The following GRID2 variants were observed in gnomAD, a reference collection of about 807,000 sequenced individuals.
The protein encoded by GRID2 is glutamate ionotropic receptor delta type subunit 2, also known as glutamate receptor ionotropic, delta-2.
GRID2 carries 33 observed loss-of-function variants against 114.8 expected under a neutral mutation model. The ratio of observed to expected loss-of-function variants is 0.29; its 90% CI spans 0.22 to 0.38. The LOEUF (loss-of-function observed/expected upper bound fraction) is 0.38, where lower values mean the gene tolerates loss of function less well. GRID2 is among the 10% of genes least tolerant of loss of function. The probability of loss-of-function intolerance (pLI) is 1.00; values close to 1 mark genes in which losing one functional copy is unlikely to be tolerated. For synonymous variants in GRID2, 505 were observed against 449.9 expected, an observed-to-expected ratio of 1.12 and a Z score of -1.55; for missense variants, 1,184 against 1,257.7, an observed-to-expected ratio of 0.94 and a Z score of 0.89.
intron 2 of GRID2, among the ~76,000 whole-genome samples, chr4:92,834,980 G>T (rs183310016): frequency 1.3e-5 from 2 of 152,200 alleles, no homozygotes; most frequent in African/African-American, 4.8e-5. Context: ...AATTCAGTTA[G>T]CATGGGTTGA....
intron 1 of GRID2, among the ~76,000 whole-genome samples, chr4:92,579,709 T>G (rs1459075035): frequency 6.6e-6 from 1 of 151,772 alleles, no homozygotes; most frequent in Non-Finnish European, 1.5e-5. Context: ...ATGATAAAGT[T>G]TAAAAACATT....
chr4:92,981,287 A>G (rs1220431341), intron 2 of GRID2, among the ~76,000 whole-genome samples: 1 of 152,230 alleles, frequency 6.6e-6, no homozygotes, highest in East Asian at 1.9e-4. Context: ...TTCATAAAAC[A>G]TTAAAATCAC....
chr4:93,060,791 A>G (rs1346481281), intron 2 of GRID2, among the ~76,000 whole-genome samples: 2 of 152,158 alleles, frequency 1.3e-5, no homozygotes, highest in Non-Finnish European at 2.9e-5. Context: ...AAAGTATGTT[A>G]TGCAACAGGT....
At chr4:92,926,116 A>C (rs2149513755) in intron 2 of GRID2, among the ~76,000 whole-genome samples, 1 of 152,118 alleles carries the variant, frequency 6.6e-6, no homozygotes, top group Admixed American at 6.6e-5. Flanking sequence ...TTTATGAAGT[A>C]ACATTTATAA....
intron 14 of GRID2, among the ~76,000 whole-genome samples, chr4:93,659,915 A>G (rs1414460259): frequency 6.6e-6 from 1 of 151,694 alleles, no homozygotes; most frequent in Non-Finnish European, 1.5e-5. Context: ...TCATAATGGA[A>G]TCTCTAATTT....
At chr4:93,308,807 C>T (rs1284769182) in intron 8 of GRID2, among the ~76,000 whole-genome samples, 2 of 152,178 alleles carry the variant, frequency 1.3e-5, no homozygotes, top group African/African-American at 2.4e-5. Context: ...AGTGTTGCTT[C>T]CTTCATCACA....
chr4:92,444,180 C>T (rs981623057), intron 1 of GRID2, among the ~76,000 whole-genome samples: 37 of 152,268 alleles, frequency 2.4e-4, no homozygotes, highest in African/African-American at 7.7e-4. Flanking sequence ...GGAGGTCCCC[C>T]GATCCGAGTC....
rs539447082 is a variant in GRID2 at position 92,826,127 on chromosome 4, T to C, written c.244+235841T>C. On this transcript the variant is annotated intron_variant, in intron 2 of 15. Coordinates refer to ENST00000282020, the MANE Select transcript of GRID2 (RefSeq NM_001510.4). ...CTTTTTCAGAGCTAGAAATCCTATG[T>C]AATCTGCCCTTGCTCTGTCTCCTCC... 3.3e-5 allele frequency among the ~76,000 whole-genome samples: 5 copies of C among 152,236 alleles called. No individual in the cohort carries two copies. The East Asian group carries it at 9.7e-4, about 30-fold the overall frequency.
intron 2 of GRID2, among the ~76,000 whole-genome samples, chr4:92,930,319 G>A (rs1292008395): frequency 2.6e-5 from 4 of 151,166 alleles, no homozygotes; most frequent in Admixed American, 1.3e-4. Context: ...CTAATTCAAC[G>A]TTTTCATCTT....
At chr4:93,076,337 A>G (rs1231406395) in intron 2 of GRID2, among the ~76,000 whole-genome samples, 6 of 152,190 alleles carry the variant, frequency 3.9e-5, no homozygotes, top group Non-Finnish European at 5.9e-5. Flanking sequence ...GTCAGGTCAT[A>G]AAGAATTCTG....
At chr4:92,922,724 G>A (rs888801317) in intron 2 of GRID2, among the ~76,000 whole-genome samples, 3 of 152,094 alleles carry the variant, frequency 2.0e-5, no homozygotes, top group Admixed American at 6.6e-5. Context: ...GCAAATCAAT[G>A]AAAATGAATC....
chr4:93,752,457 G>A (rs563480179), intron 14 of GRID2, among the ~76,000 whole-genome samples: 3 of 151,930 alleles, frequency 2.0e-5, no homozygotes, highest in African/African-American at 4.8e-5. Flanking sequence ...TGCAAGCTCC[G>A]CCTCCCGGGT....
intron 1 of GRID2, among the ~76,000 whole-genome samples, chr4:92,578,826 C>T (rs1728035455): frequency 1.3e-5 from 2 of 152,030 alleles, no homozygotes; most frequent in South Asian, 2.1e-4. Flanking sequence ...TGTTCAAACT[C>T]TTAATAATGT....
At chr4:93,747,272 A>G (rs1731922273) in intron 14 of GRID2, among the ~76,000 whole-genome samples, 1 of 152,162 alleles carries the variant, frequency 6.6e-6, no homozygotes, top group Non-Finnish European at 1.5e-5. Context: ...TAAAGAGTTG[A>G]AAGACCGTTC....
chr4:92,851,020 C>T (rs867176640), intron 2 of GRID2, among the ~76,000 whole-genome samples: 32 of 152,022 alleles, frequency 2.1e-4, no homozygotes, highest in Middle Eastern at 3.4e-3. Flanking sequence ...CAAACATGAT[C>T]ATTTAATTAT....
chr4:93,200,113 C>CA (rs1199932691), intron 4 of GRID2, among the ~76,000 whole-genome samples: 1 of 152,208 alleles, frequency 6.6e-6, no homozygotes, highest in African/African-American at 2.4e-5. Flanking sequence ...TGTAAATCCA[C>CA]AAAGCCCTTG....
chr4:93,342,435 A>C (rs543301019), intron 8 of GRID2, among the ~76,000 whole-genome samples: 1 of 152,104 alleles, frequency 6.6e-6, no homozygotes, highest in Non-Finnish European at 1.5e-5. Flanking sequence ...TCATTTAAAA[A>C]GAGAAAAAAA....
chr4:92,535,898 A>C (rs749915554), intron 1 of GRID2, among the ~76,000 whole-genome samples: 1 of 152,114 alleles, frequency 6.6e-6, no homozygotes, highest in African/African-American at 2.4e-5. Flanking sequence ...CAGCTCATAA[A>C]GGCGGCCGCA....
At chr4:93,092,461 G>T (rs978145670) in intron 3 of GRID2, among the ~76,000 whole-genome samples, 5 of 152,048 alleles carry the variant, frequency 3.3e-5, no homozygotes, top group Admixed American at 2.0e-4. Context: ...TTCCCTACTA[G>T]GATACAAGGG....
Sources: gnomAD v4.1 joint callset for allele counts (sites outside exome capture counted in the v4.1 genomes callset) on GRCh38, gnomAD v4.1.1 for gene constraint, MANE v1.5 for transcripts, NCBI Gene and HGNC (gene_info 2026-07-23, HGNC 2026-07-21) for gene names.